Variants in CDH13 observed in about 807,000 individuals in gnomAD.
CDH13 encodes the protein cadherin-13.
A neutral mutation model predicts 63.8 loss-of-function variants in CDH13; 24 were observed. The ratio of observed to expected loss-of-function variants is 0.38; its 90% CI spans 0.27 to 0.53. CDH13 has a LOEUF of 0.53. CDH13 is among the 20% of genes least tolerant of loss of function. CDH13 has a pLI of 0.85. For missense variants in CDH13, 1,049 were observed against 903.1 expected, an observed-to-expected ratio of 1.16 and a Z score of -2.07; for synonymous variants, 503 against 355.3, an observed-to-expected ratio of 1.42 and a Z score of -4.67.
chr16:82,840,156 G>A (rs2038945104), intron 1 of CDH13, among the ~76,000 whole-genome samples: 1 of 152,214 alleles, frequency 6.6e-6, no homozygotes, highest in Middle Eastern at 3.4e-3. Context: ...GATAATAGGA[G>A]GGCTTATGAC....
At position 82,852,947 on chromosome 16, in the gene CDH13, C is replaced by G. The variant is rs148805482; in HGVS notation, c.46-5415C>G. 1.2e-3 allele frequency among the ~76,000 whole-genome samples: 175 copies of G among 152,168 alleles called. 1 individual carries two copies. The East Asian group carries it at 0.019, about 16-fold the overall frequency. ...AGCAAACTCCAAAGTTGGGTATATT[C>G]TTGAATCAGTACCTGTCAGGATAAA... On this transcript the variant is annotated intron_variant, in intron 1 of 13. Coordinates refer to ENST00000567109, the MANE Select transcript of CDH13 (RefSeq NM_001257.5).
intron 1 of CDH13, among the ~76,000 whole-genome samples, chr16:82,696,410 A>G (rs1002576506): frequency 2.0e-5 from 3 of 152,248 alleles, no homozygotes; most frequent in East Asian, 1.9e-4. Flanking sequence ...GTAAAACTCA[A>G]TGGGAACACC....
At chr16:83,526,902 C>T (rs1426019484) in intron 7 of CDH13, among the ~76,000 whole-genome samples, 2 of 152,110 alleles carry the variant, frequency 1.3e-5, no homozygotes, top group East Asian at 1.9e-4. Context: ...GAGGCCAAGG[C>T]GGGCAGATCA....
chr16:83,394,852 A>T (rs2091855345), intron 6 of CDH13, among the ~76,000 whole-genome samples: 1 of 152,150 alleles, frequency 6.6e-6, no homozygotes, highest in Non-Finnish European at 1.5e-5. Flanking sequence ...CAAGAGAAAG[A>T]AAAGTCAAGG....
intron 2 of CDH13, among the ~76,000 whole-genome samples, chr16:82,919,044 G>A (rs1275223851): frequency 6.6e-6 from 1 of 152,020 alleles, no homozygotes; most frequent in Non-Finnish European, 1.5e-5. Flanking sequence ...TACAAGTAAT[G>A]TTCCTTAGTA....
chr16:83,284,597 G>C (rs1159613464), intron 5 of CDH13, among the ~76,000 whole-genome samples: 1 of 152,136 alleles, frequency 6.6e-6, no homozygotes. Flanking sequence ...AGCCGTGTCT[G>C]AGGCTGAGAA....
chr16:83,265,400 A>C (rs929675616), intron 5 of CDH13, among the ~76,000 whole-genome samples: 2 of 152,164 alleles, frequency 1.3e-5, no homozygotes, highest in African/African-American at 2.4e-5. Flanking sequence ...ATAGAACTCT[A>C]AGTTGAATAT....
At chr16:83,765,820 C>T (rs1030788323) in intron 11 of CDH13, among the ~76,000 whole-genome samples, 1 of 151,370 alleles carries the variant, frequency 6.6e-6, no homozygotes, top group Non-Finnish European at 1.5e-5. Context: ...AGGAGGTACA[C>T]GTGCAGGTTT....
chr16:83,116,792 CT>C (rs2035320651), intron 3 of CDH13, among the ~76,000 whole-genome samples: 1 of 152,270 alleles, frequency 6.6e-6, no homozygotes, highest in East Asian at 1.9e-4. Context: ...CTCAATAATA[CT>C]TTTAAAATAC....
chr16:83,417,217 C>A (rs1424183), intron 6 of CDH13, among the ~76,000 whole-genome samples: 2 of 152,054 alleles, frequency 1.3e-5, no homozygotes, highest in East Asian at 3.9e-4. Context: ...GACTTCAGAT[C>A]CACACTTTTG....
At chr16:83,172,333 A>G (rs59749237) in intron 4 of CDH13, among the ~76,000 whole-genome samples, 7,069 of 152,140 alleles carry the variant, frequency 0.046, 544 homozygotes, top group African/African-American at 0.16. Context: ...TACTAAAAAT[A>G]TGAAAAATTT....
At chr16:82,671,103 C>G (rs1489372607) in intron 1 of CDH13, among the ~76,000 whole-genome samples, 1 of 151,456 alleles carries the variant, frequency 6.6e-6, no homozygotes, top group African/African-American at 2.4e-5. Context: ...AGTCATCAAG[C>G]CAGAGACTGA....
In CDH13 at chr16:83,276,571, A is replaced by G. The variant is rs145105888; in HGVS notation, c.636+59074A>G. 4.3e-3 allele frequency among the ~76,000 whole-genome samples: 661 copies of G among 152,302 alleles called. 3 individuals carry two copies. Among genetic ancestry groups the G allele is most frequent in the African/African-American group, 0.015 (617 of 41,566 alleles). ...GGCCTCACAGTCATGGCAGAAGACA[A>G]GAGCATGTCACATCTTGGGCCAGGC... On this transcript the variant is annotated intron_variant, in intron 5 of 13. Coordinates refer to ENST00000567109, the MANE Select transcript of CDH13 (RefSeq NM_001257.5).
chr16:83,148,924 T>A (rs1212720324), intron 4 of CDH13, among the ~76,000 whole-genome samples: 1 of 152,184 alleles, frequency 6.6e-6, no homozygotes, highest in Non-Finnish European at 1.5e-5. Context: ...GAAAATCTTA[T>A]TACACTCATT....
rs1597254517 is a variant in CDH13 at position 82,663,478 on chromosome 16, C to T, written c.45+36341C>T. Among the ~76,000 whole-genome samples the T allele has an allele frequency of 2.0e-5, 3 of 152,184 alleles. No homozygotes were observed. In the Middle Eastern group the frequency reaches 0.01, roughly 518 times the overall value. On this transcript the variant is annotated intron_variant, in intron 1 of 13. Transcript: ENST00000567109. ...GGGATTACAGGCATGAGCCACCATG[C>T]CCAGCCACCGCCACTCATTTTACAC...
chr16:83,344,404 C>G (rs993327873), intron 5 of CDH13, among the ~76,000 whole-genome samples: 3 of 152,208 alleles, frequency 2.0e-5, no homozygotes, highest in African/African-American at 7.2e-5. Context: ...AAGCCCCCAA[C>G]AAATACTGAC....
Position 83,071,315 on chromosome 16 carries a change from C to A in CDH13, c.366+39097C>A, listed in dbSNP as rs562910674. Among the ~76,000 whole-genome samples the A allele has an allele frequency of 3.9e-5, 6 of 152,236 alleles. No homozygotes were observed. The East Asian group carries it at 1.2e-3, about 30-fold the overall frequency. ...CTCACATAACCCTGCAAGGTGTGGG[C>A]TTTCATGATCCCCCTTTCTCGGATA... is the stretch of plus-strand genomic sequence containing the variant. On this transcript the variant is annotated intron_variant, in intron 3 of 13. Transcript: ENST00000567109.
intron 1 of CDH13, among the ~76,000 whole-genome samples, chr16:82,858,088 A>G (rs751743220): frequency 1.3e-5 from 2 of 152,244 alleles, no homozygotes; most frequent in African/African-American, 2.4e-5. Flanking sequence ...CATGGAAACC[A>G]TGGTGAGAAT....
chr16:83,312,066 CAAAAA>C (rs5818437), intron 5 of CDH13, among the ~76,000 whole-genome samples: 1 of 94,954 alleles, frequency 1.1e-5, no homozygotes, highest in Non-Finnish European at 2.1e-5. Context: ...AACTCCATCT[CAAAAA>C]AAAAAAAAAA....
Sources: allele counts gnomAD v4.1 joint callset (sites outside exome capture counted in the v4.1 genomes callset), GRCh38; gene constraint gnomAD v4.1.1; transcripts MANE v1.5; gene names NCBI Gene and HGNC (gene_info 2026-07-23, HGNC 2026-07-21).